The following ZSCAN5A variants were observed in gnomAD, a reference collection of about 807,000 sequenced individuals.
The protein encoded by ZSCAN5A is zinc finger and SCAN domain-containing protein 5A.
In ZSCAN5A, 12 loss-of-function variants were observed where a neutral mutation model predicts 23.7. The ratio of observed to expected loss-of-function variants is 0.51; its 90% confidence interval spans 0.32 to 0.82. The LOEUF (loss-of-function observed/expected upper bound fraction) is 0.82, where lower values mean the gene tolerates loss of function less well. Among genes scored for constraint, ZSCAN5A ranks in the 40% least tolerant of loss-of-function variants. ZSCAN5A has a pLI of 0.03. For missense variants in ZSCAN5A, 597 were observed against 617.9 expected, an observed-to-expected ratio of 0.97 and a Z score of 0.36; for synonymous variants, 257 against 239.9, an observed-to-expected ratio of 1.07 and a Z score of -0.66.
At chr19:56,301,851 C>T in intron 2 of ZSCAN5A, 1 of 1,187,932 alleles carries the variant, frequency 8.4e-7, no homozygotes, top group Non-Finnish European at 1.1e-6. Flanking sequence ...AATTTCAATT[C>T]AGGAGGCAGG....
At chr19:56,232,293 A>T (rs1258881546) in intron 2 of ZSCAN5A, among the ~76,000 whole-genome samples, 1 of 152,148 alleles carries the variant, frequency 6.6e-6, no homozygotes. Context: ...AGAATTTTCT[A>T]GAATTTTATA....
chr19:56,305,047 G>A (rs776948193), intron 2 of ZSCAN5A, among the ~76,000 whole-genome samples: 7 of 152,274 alleles, frequency 4.6e-5, no homozygotes, highest in Middle Eastern at 3.4e-3. Flanking sequence ...TGACAGGGAT[G>A]TGCCGGGCAG....
At chr19:56,324,284 T>G (rs1051989988) in intron 2 of ZSCAN5A, among the ~76,000 whole-genome samples, 4 of 152,352 alleles carry the variant, frequency 2.6e-5, no homozygotes, top group Middle Eastern at 3.4e-3. Context: ...TCTATCCATG[T>G]TGCAGCAAAT....
chr19:56,355,166 T>C (rs2041693939), intron 2 of ZSCAN5A, among the ~76,000 whole-genome samples: 2 of 125,518 alleles, frequency 1.6e-5, no homozygotes, highest in South Asian at 2.5e-4. Flanking sequence ...GGGTCTCCCA[T>C]ACATAATTTC....
chr19:56,293,364 T>G (rs773811508), intron 2 of ZSCAN5A, among the ~76,000 whole-genome samples: 16 of 152,288 alleles, frequency 1.1e-4, no homozygotes, highest in Admixed American at 9.8e-4. Context: ...AACGGTGCTA[T>G]TAAACAATGC....
intron 2 of ZSCAN5A, among the ~76,000 whole-genome samples, chr19:56,277,889 C>T (rs1287673291): frequency 6.6e-6 from 1 of 151,914 alleles, no homozygotes; most frequent in African/African-American, 2.4e-5. Context: ...CACTTGTACC[C>T]CTAAAGCTAC....
chr19:56,285,278 A>AT (rs1217434173), intron 2 of ZSCAN5A, among the ~76,000 whole-genome samples: 2 of 152,218 alleles, frequency 1.3e-5, no homozygotes, highest in Non-Finnish European at 2.9e-5. Context: ...ACATGGGAAA[A>AT]TATCGAGGAA....
At chr19:56,296,435 T>TG (rs562002153) in intron 2 of ZSCAN5A, 160 of 152,194 alleles carry the variant, frequency 1.1e-3, no homozygotes, top group African/African-American at 3.8e-3. Flanking sequence ...TTTTCTATGG[T>TG]GGGGGGTCCC....
At chr19:56,294,787 G>C (rs1051649187) in intron 2 of ZSCAN5A, among the ~76,000 whole-genome samples, 1 of 152,188 alleles carries the variant, frequency 6.6e-6, no homozygotes, top group Admixed American at 6.5e-5. Flanking sequence ...TCATACAATG[G>C]AATGTTATTC....
At chr19:56,247,843 C>T (rs2036052892) in intron 2 of ZSCAN5A, among the ~76,000 whole-genome samples, 2 of 152,080 alleles carry the variant, frequency 1.3e-5, no homozygotes, top group African/African-American at 4.8e-5. Flanking sequence ...AGGCGCCTGC[C>T]ACCATGCCCG....
intron 2 of ZSCAN5A, chr19:56,246,716 A>G: frequency 8.5e-7 from 1 of 1,180,030 alleles, no homozygotes; most frequent in Non-Finnish European, 1.2e-6. Flanking sequence ...TTGTGTGTGG[A>G]ATCCCTTCTT....
intron 2 of ZSCAN5A, among the ~76,000 whole-genome samples, chr19:56,232,667 A>T (rs1045409676): frequency 1.5e-4 from 23 of 150,864 alleles, no homozygotes; most frequent in African/African-American, 5.6e-4. Context: ...ATATAGGCTA[A>T]TTTTTTTTTC....
intron 2 of ZSCAN5A, among the ~76,000 whole-genome samples, chr19:56,292,798 T>C (rs866998516): frequency 4.3e-4 from 65 of 152,348 alleles, no homozygotes; most frequent in African/African-American, 1.5e-3. Flanking sequence ...AGGTACCTCA[T>C]AGAAGTAGAA....
intron 2 of ZSCAN5A, among the ~76,000 whole-genome samples, chr19:56,243,260 T>A (rs1222806967): frequency 1.3e-5 from 2 of 152,164 alleles, no homozygotes; most frequent in Non-Finnish European, 2.9e-5. Flanking sequence ...GGGTTCCTTT[T>A]GGGCTGATGA....
chr19:56,261,734 A>G (rs1043793340), intron 2 of ZSCAN5A, among the ~76,000 whole-genome samples: 1 of 152,230 alleles, frequency 6.6e-6, no homozygotes, highest in Non-Finnish European at 1.5e-5. Flanking sequence ...TGGAAACACC[A>G]AAAACTGATA....
At chr19:56,277,387 G>A (rs888130225) in intron 2 of ZSCAN5A, among the ~76,000 whole-genome samples, 23 of 152,180 alleles carry the variant, frequency 1.5e-4, no homozygotes, top group Admixed American at 7.2e-4. Flanking sequence ...ATTCAACATC[G>A]TGTGTGAGCC....
chr19:56,368,016 T>TACTG (rs567362612), intron 1 of ZSCAN5A: 73 of 152,456 alleles, frequency 4.8e-4, no homozygotes, highest in African/African-American at 1.6e-3. Flanking sequence ...CTGAACCTGG[T>TACTG]ACTGATATAC....
At chr19:56,335,010 T>A (rs971638898) in intron 2 of ZSCAN5A, among the ~76,000 whole-genome samples, 3 of 152,148 alleles carry the variant, frequency 2.0e-5, no homozygotes, top group Non-Finnish European at 4.4e-5. Flanking sequence ...AGCTAAAGTA[T>A]CATGTTTTAA....
At chr19:56,315,262 G>C (rs2041282168), upstream of ZSCAN5A, 2 of 152,254 alleles carry the variant, frequency 1.3e-5, no homozygotes, top group African/African-American at 2.4e-5. Flanking sequence ...GGACGGGATA[G>C]AGTTGCACAC....
Sources: gnomAD v4.1 joint callset for allele counts (sites outside exome capture counted in the v4.1 genomes callset) on GRCh38, gnomAD v4.1.1 for gene constraint, MANE v1.5 for transcripts, NCBI Gene and HGNC (gene_info 2026-07-23, HGNC 2026-07-21) for gene names.